KIRREL3: variants seen among roughly 807,000 people sequenced by gnomAD.
The protein encoded by KIRREL3 is kirre like nephrin family adhesion molecule 3, also known as kin of IRRE-like protein 3.
KIRREL3 carries 36 observed loss-of-function variants against 89.7 expected under a neutral mutation model. That is an observed-to-expected ratio of 0.40 (90% CI 0.31 to 0.53). KIRREL3 has a LOEUF of 0.53. Ranked by LOEUF, KIRREL3 falls within the 20% of genes least tolerant of loss-of-function variation. KIRREL3 has a pLI of 0.49. For synonymous variants in KIRREL3, 445 were observed against 441.4 expected (o/e 1.01, Z -0.10); for missense variants, 864 against 1,056.6 (o/e 0.82, Z 2.53).
intron 1 of KIRREL3, among the ~76,000 whole-genome samples, chr11:126,726,779 A>G (rs1424117098): frequency 1.3e-5 from 2 of 152,176 alleles, no homozygotes; most frequent in Non-Finnish European, 2.9e-5. Flanking sequence ...TGGCCTACAC[A>G]TGCCAATGTG....
rs963838250 is a variant in KIRREL3 at position 126,782,694 on chromosome 11, C to T, written c.55+217761G>A. Among the ~76,000 whole-genome samples the T allele has an allele frequency of 1.3e-5, 2 of 152,058 alleles. No individual in the cohort carries two copies. The highest frequency in any genetic ancestry group is 2.4e-5 in the African/African-American group (1 of 41,392). Reference sequence around the variant, plus strand: ...AGGGGGCTAGAATGATCCAGATCCACGTGGTAATGAATTAGTGTTGGAGAC... The same window carrying T: ...AGGGGGCTAGAATGATCCAGATCCATGTGGTAATGAATTAGTGTTGGAGAC... On this transcript the variant is annotated intron_variant, in intron 1 of 16. Transcript: ENST00000525144. This position sits in a 1 kb window ranked among gnomAD's most constrained non-coding sequence, Gnocchi z 4.1.
At chr11:126,726,039 T>C (rs1400327813) in intron 1 of KIRREL3, among the ~76,000 whole-genome samples, 2 of 152,178 alleles carry the variant, frequency 1.3e-5, no homozygotes, top group Non-Finnish European at 2.9e-5. Context: ...CATGGAAACA[T>C]GTGGACTGCA....
At chr11:126,457,664 A>C (rs562849748) in intron 6 of KIRREL3, among the ~76,000 whole-genome samples, 2 of 152,268 alleles carry the variant, frequency 1.3e-5, no homozygotes, top group East Asian at 3.9e-4. Context: ...CTAGAGAAGC[A>C]GAGGGCAGAG....
At chr11:126,663,182 CTTTTTTT>C (rs61217908) in intron 1 of KIRREL3, among the ~76,000 whole-genome samples, 1 of 90,806 alleles carries the variant, frequency 1.1e-5, no homozygotes, top group Non-Finnish European at 2.1e-5. Context: ...TCATGTCTGG[CTTTTTTT>C]TTTTTTTTTT....
intron 1 of KIRREL3, among the ~76,000 whole-genome samples, chr11:126,857,381 G>T (rs1163369866): frequency 6.6e-6 from 1 of 152,238 alleles, no homozygotes; most frequent in Non-Finnish European, 1.5e-5. Flanking sequence ...TTTAGCCAAT[G>T]ATTGCTGTGG....
intron 13 of KIRREL3, among the ~76,000 whole-genome samples, chr11:126,434,609 G>A (rs1955249248): frequency 6.6e-6 from 1 of 152,228 alleles, no homozygotes; most frequent in Admixed American, 6.5e-5. Context: ...TGGCCATAGA[G>A]CCTGGCTTGC....
In KIRREL3 at chr11:126,705,325, G is replaced by T. The variant is rs1947486393; in HGVS notation, c.56-142413C>A. On this transcript the variant is annotated intron_variant, in intron 1 of 16. Transcript: ENST00000525144. The surrounding 1 kb of genome is among the most constrained non-coding windows in gnomAD (Gnocchi z 4.3). ...CTGGTGGGAGGTGATTGGGTCATGA[G>T]GTCGGATTCCTCAGGAATGGTTTGG... 6.6e-6 allele frequency among the ~76,000 whole-genome samples: 1 copy of T among 152,152 alleles called. No individual in the cohort carries two copies. The highest frequency in any genetic ancestry group is 1.5e-5 in the Non-Finnish European group (1 of 68,028).
intron 1 of KIRREL3, among the ~76,000 whole-genome samples, chr11:126,966,775 C>T (rs1247223600): frequency 6.6e-6 from 1 of 152,152 alleles, no homozygotes; most frequent in African/African-American, 2.4e-5. Context: ...TCGGTTTTCT[C>T]ATCTGTAAAA....
chr11:126,464,631 C>G (rs1196336494), intron 5 of KIRREL3, among the ~76,000 whole-genome samples: 1 of 151,940 alleles, frequency 6.6e-6, no homozygotes, highest in Non-Finnish European at 1.5e-5. Flanking sequence ...GAGGAGAAGA[C>G]AGAGAGAAAC....
At chr11:126,599,742 C>T (rs545718482) in intron 1 of KIRREL3, among the ~76,000 whole-genome samples, 2 of 152,288 alleles carry the variant, frequency 1.3e-5, no homozygotes, top group South Asian at 4.2e-4. Context: ...ACAGTAATGA[C>T]CCTCTGATGT....
chr11:126,634,312 G>A (rs1944175200), intron 1 of KIRREL3, among the ~76,000 whole-genome samples: 1 of 152,188 alleles, frequency 6.6e-6, no homozygotes, highest in Non-Finnish European at 1.5e-5. Flanking sequence ...CACTTTCCAT[G>A]CATTCATGCA....
At chr11:126,911,201 GT>G (rs1946802173) in intron 1 of KIRREL3, among the ~76,000 whole-genome samples, 2 of 152,176 alleles carry the variant, frequency 1.3e-5, no homozygotes, top group Non-Finnish European at 2.9e-5. Flanking sequence ...GCCCCTCCAA[GT>G]AGGAGACATG....
Position 126,635,488 on chromosome 11 carries a change from A to G in KIRREL3, c.56-72576T>C, listed in dbSNP as rs1425160487. On this transcript the variant is annotated intron_variant, in intron 1 of 16. Coordinates refer to ENST00000525144, the MANE Select transcript of KIRREL3 (RefSeq NM_032531.4). The surrounding 1 kb of genome is among the most constrained non-coding windows in gnomAD (Gnocchi z 4.0). ...CCTCTGGGCTTCTGAGCCATGGGAG[A>G]GTTGGACAGAAGGCTGAACAGTGGC... 6.6e-6 allele frequency among the ~76,000 whole-genome samples: 1 copy of G among 152,012 alleles called. No individual in the cohort carries two copies. Among genetic ancestry groups the G allele is most frequent in the Non-Finnish European group, 1.5e-5 (1 of 67,996 alleles).
Position 126,772,832 on chromosome 11 carries a change from C to A in KIRREL3, c.56-209920G>T. On this transcript the variant is annotated intron_variant, in intron 1 of 16. Coordinates refer to ENST00000525144, the MANE Select transcript of KIRREL3 (RefSeq NM_032531.4). The surrounding 1 kb of genome is among the most constrained non-coding windows in gnomAD (Gnocchi z 4.6). ...TGGTTTTGAGCCTTTGCCCCTAATG[C>A]CAGCACCATACCTACTGCATCTGGA... Among the ~76,000 whole-genome samples, 1 of 152,170 alleles carries A rather than the reference C, an allele frequency of 6.6e-6. No individual in the cohort carries two copies. The highest frequency in any genetic ancestry group is 1.9e-4 in the East Asian group (1 of 5,178).
chr11:126,786,877 T>C (rs1026548138), intron 1 of KIRREL3, among the ~76,000 whole-genome samples: 16 of 152,160 alleles, frequency 1.1e-4, no homozygotes, highest in African/African-American at 2.9e-4. Flanking sequence ...AGGCCGTTGG[T>C]TGAGATGGAG....
intron 1 of KIRREL3, among the ~76,000 whole-genome samples, chr11:126,785,180 T>C (rs1950450171): frequency 6.6e-6 from 1 of 152,162 alleles, no homozygotes; most frequent in South Asian, 2.1e-4. Context: ...GGAGAGGGAT[T>C]CCTCCAGAGT....
At chr11:126,868,874 C>T (rs1195457101) in intron 1 of KIRREL3, among the ~76,000 whole-genome samples, 1 of 152,100 alleles carries the variant, frequency 6.6e-6, no homozygotes, top group African/African-American at 2.4e-5. Flanking sequence ...GCCTGGTTTC[C>T]TGCTTCATAG....
intron 1 of KIRREL3, among the ~76,000 whole-genome samples, chr11:126,616,910 G>A (rs1435437866): frequency 6.6e-6 from 1 of 152,226 alleles, no homozygotes; most frequent in Non-Finnish European, 1.5e-5. Context: ...CCAAAGTGTT[G>A]GGATTACAGG....
chr11:126,820,664 G>A (rs543102162), intron 1 of KIRREL3, among the ~76,000 whole-genome samples: 2 of 152,196 alleles, frequency 1.3e-5, no homozygotes, highest in East Asian at 3.9e-4. Flanking sequence ...GTCTGGACAG[G>A]TGGGAGATGT....
Sources: allele counts gnomAD v4.1 joint callset (sites outside exome capture counted in the v4.1 genomes callset), GRCh38; gene constraint gnomAD v4.1.1; non-coding constraint Gnocchi (gnomAD v3.1); transcripts MANE v1.5; gene names NCBI Gene and HGNC (gene_info 2026-07-23, HGNC 2026-07-21).